LYSMD2: variants seen among roughly 807,000 people sequenced by gnomAD.
The protein encoded by LYSMD2 is lysM and putative peptidoglycan-binding domain-containing protein 2.
Under a neutral mutation model 17.7 loss-of-function variants are expected in LYSMD2, and 6 were observed. That is an observed-to-expected ratio of 0.34 (90% CI 0.19 to 0.67). The LOEUF (loss-of-function observed/expected upper bound fraction) is 0.67, where lower values mean the gene tolerates loss of function less well. Ranked by LOEUF, LYSMD2 falls within the 30% of genes least tolerant of loss-of-function variation. The probability of loss-of-function intolerance (pLI) is 0.69; values close to 1 mark genes in which losing one functional copy is unlikely to be tolerated. For synonymous variants in LYSMD2, 102 were observed against 129.8 expected, an observed-to-expected ratio of 0.79 and a Z score of 1.45; for missense variants, 237 against 286.7, an observed-to-expected ratio of 0.83 and a Z score of 1.25.
In LYSMD2 at chr15:51,737,269, C is replaced by A; in HGVS notation, c.273+81G>T. On this transcript the variant is annotated intron_variant, in intron 1 of 2. Coordinates refer to ENST00000267838, the MANE Select transcript of LYSMD2 (RefSeq NM_153374.3). This position sits in a 1 kb window ranked among gnomAD's most constrained non-coding sequence, Gnocchi z 4.2. ...CCAAACCCCCACCCGCAGTCCCACCCCCACCCCCACCGCACCCCGAGCCGC... is the reference window on the plus strand; with the variant it reads ...CCAAACCCCCACCCGCAGTCCCACCACCACCCCCACCGCACCCCGAGCCGC... 1 of 892,810 alleles carries A rather than the reference C, an allele frequency of 1.1e-6. No individual in the cohort carries two copies. Among genetic ancestry groups the A allele is most frequent in the Non-Finnish European group, 1.5e-6 (1 of 673,268 alleles). The allele number at this position is 892,810 out of a possible 1,614,324, so 55.3% of individuals were successfully genotyped here.
chr15:51,737,647 G>C lies in LYSMD2; in HGVS notation c.-25C>G. On this transcript the variant is annotated 5_prime_UTR_variant, in exon 1 of 3. Coordinates refer to ENST00000267838, the MANE Select transcript of LYSMD2 (RefSeq NM_153374.3). This position sits in a 1 kb window ranked among gnomAD's most constrained non-coding sequence, Gnocchi z 4.2. The stretch of plus-strand genomic sequence containing the variant: ...TGGGTCCTGCCGAGGCCGCCGGGTC[G>C]GGGAGCTTGCCAAGGGGGCGGCGCC... The C allele has an allele frequency of 8.3e-7, 1 of 1,203,780 alleles. No individual in the cohort carries two copies. Among genetic ancestry groups the C allele is most frequent in the African/African-American group, 1.6e-5 (1 of 63,222 alleles). 74.6% of individuals were successfully genotyped at this position (1,203,780 alleles called of 1,614,324 possible).
chr15:51,737,846 G>C, upstream of LYSMD2: 1 of 312,090 alleles, frequency 3.2e-6, no homozygotes, highest in Non-Finnish European at 5.8e-6. This position sits in a 1 kb window ranked among gnomAD's most constrained non-coding sequence, Gnocchi z 4.2. Flanking sequence ...GCACCTGCAA[G>C]GTTAAGAGCG....
intron 1 of LYSMD2, among the ~76,000 whole-genome samples, chr15:51,735,003 C>A (rs1054978291): frequency 6.6e-6 from 1 of 151,952 alleles, no homozygotes; most frequent in Non-Finnish European, 1.5e-5. Context: ...AATGAGACCC[C>A]ATTTCTACAA....
intron 1 of LYSMD2, among the ~76,000 whole-genome samples, chr15:51,744,184 A>G (rs1050711649): frequency 2.0e-5 from 3 of 152,156 alleles, no homozygotes; most frequent in African/African-American, 7.2e-5. Flanking sequence ...AATGTTGAAT[A>G]GAGGGTGGCA....
At chr15:51,733,467 T>C (rs1186411747) in intron 1 of LYSMD2, among the ~76,000 whole-genome samples, 2 of 151,850 alleles carry the variant, frequency 1.3e-5, no homozygotes, top group Non-Finnish European at 2.9e-5. Flanking sequence ...TAAATACTGT[T>C]AGGAAAACAT....
chr15:51,750,340 G>C (rs2055692000), intron 1 of LYSMD2, among the ~76,000 whole-genome samples: 1 of 152,244 alleles, frequency 6.6e-6, no homozygotes. Context: ...TTCCTCTGCA[G>C]CACGTTTTTT....
chr15:51,751,226 C>A (rs994955174), intron 1 of LYSMD2: 1 of 701,170 alleles, frequency 1.4e-6, no homozygotes, highest in Admixed American at 2.0e-5. Flanking sequence ...TCTCCTCCCA[C>A]GCCCACGCCC....
At chr15:51,736,880 GAAC>G (rs956711625) in intron 1 of LYSMD2, among the ~76,000 whole-genome samples, 5 of 152,184 alleles carry the variant, frequency 3.3e-5, no homozygotes, top group Admixed American at 2.6e-4. Flanking sequence ...CACCCAGTAG[GAAC>G]AACTGCACCA....
At chr15:51,732,534 A>G (rs183167990) in intron 1 of LYSMD2, among the ~76,000 whole-genome samples, 1 of 152,340 alleles carries the variant, frequency 6.6e-6, no homozygotes, top group East Asian at 1.9e-4. Context: ...AAAATAATGA[A>G]TGCCAGTTTT....
At chr15:51,732,345 AC>A (rs2055582222) in intron 1 of LYSMD2, among the ~76,000 whole-genome samples, 1 of 152,194 alleles carries the variant, frequency 6.6e-6, no homozygotes, top group Non-Finnish European at 1.5e-5. Context: ...CAGGCTAGCC[AC>A]AGAAGATACA....
chr15:51,741,934 T>G (rs2055644864), upstream of LYSMD2, among the ~76,000 whole-genome samples: 1 of 149,202 alleles, frequency 6.7e-6, no homozygotes, highest in Admixed American at 6.7e-5. Flanking sequence ...AAATAATAAT[T>G]AAATATATAT....
chr15:51,739,483 G>A (rs1447870943), upstream of LYSMD2, among the ~76,000 whole-genome samples: 1 of 152,208 alleles, frequency 6.6e-6, no homozygotes, highest in Non-Finnish European at 1.5e-5. Flanking sequence ...CAGGACCCAA[G>A]AGAGAGGCAG....
At chr15:51,737,847 GT>G (rs1475682830), upstream of LYSMD2, 7 of 311,298 alleles carry the variant, frequency 2.2e-5, no homozygotes, top group Non-Finnish European at 1.2e-5. This position sits in a 1 kb window ranked among gnomAD's most constrained non-coding sequence, Gnocchi z 4.2. Flanking sequence ...CACCTGCAAG[GT>G]TAAGAGCGAA....
chr15:51,724,677 A>C (rs2055525745), intron 2 of LYSMD2, 113 bp downstream of exon 2: 1 of 591,118 alleles, frequency 1.7e-6, no homozygotes, highest in Non-Finnish European at 2.6e-6. Flanking sequence ...AAAATCAGAA[A>C]GAAAGAAAAG....
intron 1 of LYSMD2, among the ~76,000 whole-genome samples, chr15:51,736,006 G>A (rs1164522128): frequency 6.6e-6 from 1 of 152,252 alleles, no homozygotes. Context: ...GTAATATCTA[G>A]AGGAAAGCAA....
At chr15:51,743,168 G>T (rs1265252480) in intron 1 of LYSMD2, among the ~76,000 whole-genome samples, 1 of 152,014 alleles carries the variant, frequency 6.6e-6, no homozygotes, top group Non-Finnish European at 1.5e-5. Flanking sequence ...TGAGATGGGG[G>T]TCTCACTATA....
upstream of LYSMD2, chr15:51,738,049 A>AG (rs1054106479): frequency 6.5e-6 from 1 of 153,864 alleles, no homozygotes; most frequent in Non-Finnish European, 1.4e-5. Flanking sequence ...GAAAAAAAAA[A>AG]AAAGCGTTGC....
At chr15:51,726,244 T>C (rs901917373) in intron 1 of LYSMD2, among the ~76,000 whole-genome samples, 1 of 152,248 alleles carries the variant, frequency 6.6e-6, no homozygotes, top group Non-Finnish European at 1.5e-5. Context: ...AGGTGCCTTT[T>C]AGAGACAAAA....
intron 1 of LYSMD2, among the ~76,000 whole-genome samples, chr15:51,744,669 TAAG>T (rs2055658602): frequency 6.6e-6 from 1 of 152,182 alleles, no homozygotes; most frequent in Non-Finnish European, 1.5e-5. Context: ...TAGAATTAGT[TAAG>T]AAGTGTTTCC....
Sources: gnomAD v4.1 joint callset for allele counts (sites outside exome capture counted in the v4.1 genomes callset) on GRCh38, gnomAD v4.1.1 for gene constraint, Gnocchi (gnomAD v3.1) non-coding constraint, MANE v1.5 for transcripts, NCBI Gene and HGNC (gene_info 2026-07-23, HGNC 2026-07-21) for gene names.